Variants in B3GAT2 observed in about 807,000 individuals in gnomAD.
B3GAT2 encodes the protein beta-1,3-glucuronyltransferase 2, also known as galactosylgalactosylxylosylprotein 3-beta-glucuronosyltransferase 2.
B3GAT2 carries 26 observed loss-of-function variants against 27.8 expected under a neutral mutation model. That is an observed-to-expected ratio of 0.93 (90% CI 0.68 to 1.30). The LOEUF (loss-of-function observed/expected upper bound fraction) is 1.30, where lower values mean the gene tolerates loss of function less well. Ranked by LOEUF, B3GAT2 falls within the 50% of genes most tolerant of loss-of-function variation. The probability of loss-of-function intolerance (pLI) is 0.00; values close to 1 mark genes in which losing one functional copy is unlikely to be tolerated. For synonymous variants in B3GAT2, 218 were observed against 195.1 expected, an observed-to-expected ratio of 1.12 and a Z score of -0.98; for missense variants, 458 against 459.0, an observed-to-expected ratio of 1.00 and a Z score of 0.02.
Position 70,944,501 on chromosome 6 carries a change from G to A in B3GAT2, c.591+11338C>T, listed in dbSNP as rs150030135. Among the ~76,000 whole-genome samples the A allele has an allele frequency of 8.6e-4, 131 of 152,272 alleles. 1 individual carries two copies. The highest frequency in any genetic ancestry group is 2.9e-3 in the African/African-American group (119 of 41,542). On this transcript the variant is annotated intron_variant, in intron 1 of 3. Transcript: ENST00000230053. Reference sequence around the variant, plus strand: ...TCAAACTGCAAGGCGACTGCAAGGCGGCAGCGAGGCTGGGGGAGGGGTGCC... The same window carrying A: ...TCAAACTGCAAGGCGACTGCAAGGCAGCAGCGAGGCTGGGGGAGGGGTGCC...
chr6:70,944,361 C>T (rs1765442214), intron 1 of B3GAT2, among the ~76,000 whole-genome samples: 1 of 152,120 alleles, frequency 6.6e-6, no homozygotes, highest in Admixed American at 6.5e-5. Context: ...AAAATCGGGT[C>T]ACTCCCACCC....
intron 2 of B3GAT2, among the ~76,000 whole-genome samples, chr6:70,879,864 G>A (rs1772071853): frequency 6.6e-6 from 1 of 152,176 alleles, no homozygotes; most frequent in Non-Finnish European, 1.5e-5. Flanking sequence ...TGAGTGCACA[G>A]AGAACACAAG....
intron 2 of B3GAT2, among the ~76,000 whole-genome samples, chr6:70,875,066 TAAG>T: frequency 6.6e-6 from 1 of 152,264 alleles, no homozygotes; most frequent in East Asian, 1.9e-4. Flanking sequence ...CCATAGTTCT[TAAG>T]AAGTTGACTT....
intron 2 of B3GAT2, among the ~76,000 whole-genome samples, chr6:70,885,332 T>A (rs1371972871): frequency 3.9e-5 from 6 of 152,174 alleles, no homozygotes. Context: ...CAAATCTCAA[T>A]GTTACAAATG....
At chr6:70,862,068 T>C in intron 2 of B3GAT2, 90 bp from the exon 3 acceptor site, 1 of 1,202,570 alleles carries the variant, frequency 8.3e-7, no homozygotes, top group Non-Finnish European at 1.1e-6. Flanking sequence ...TCAAAACAGT[T>C]TTTAAAATAC....
rs536539004 is a variant in B3GAT2, at chr6:70,919,254, T to G, written c.592-24982A>C. Among the ~76,000 whole-genome samples, 6 of 152,326 alleles carry G rather than the reference T, an allele frequency of 3.9e-5. No homozygotes were observed. In the South Asian group the frequency reaches 6.2e-4, roughly 16 times the overall value. On this transcript the variant is annotated intron_variant, in intron 1 of 3. Transcript: ENST00000230053. ...ATGGTTTTAAGCTCTATCATGTCAT[T>G]TATATTCTTCTCTACACTGGTTATT... is the stretch of plus-strand genomic sequence containing the variant.
In B3GAT2 at chr6:70,878,055, T is replaced by C. The variant is rs575541346; in HGVS notation, c.736+16073A>G. On this transcript the variant is annotated intron_variant, in intron 2 of 3. Coordinates refer to ENST00000230053, the MANE Select transcript of B3GAT2 (RefSeq NM_080742.3). ...AGTTTCTAGTGTAGTGCTTTGAGCC[T>C]ATACAAGCACTTTTTTAAGGTTTTA... 2.0e-5 allele frequency among the ~76,000 whole-genome samples: 3 copies of C among 152,366 alleles called. No individual in the cohort carries two copies. In the South Asian group the frequency reaches 6.2e-4, roughly 32 times the overall value.
chr6:70,861,522 C>CAGAT lies in B3GAT2; in HGVS notation c.*137_*140dup. On this transcript the variant is annotated 3_prime_UTR_variant, in exon 4 of 4. Coordinates refer to ENST00000230053, the MANE Select transcript of B3GAT2 (RefSeq NM_080742.3). ...TGTTAACTGACAAGCTCCATTTAAACAGATGTCCATCAGATGACAAGAAAG... is the reference window on the plus strand; with the variant it reads ...TGTTAACTGACAAGCTCCATTTAAACAGATAGATGTCCATCAGATGACAAGAAAG... The CAGAT allele has an allele frequency of 4.4e-6, 3 of 688,898 alleles. No individual in the cohort carries two copies. Among genetic ancestry groups the CAGAT allele is most frequent in the Non-Finnish European group, 7.5e-6 (3 of 402,606 alleles). 42.7% of individuals were successfully genotyped at this position (688,898 alleles called of 1,614,324 possible).
At chr6:70,953,802 C>T (rs150971282) in intron 1 of B3GAT2, among the ~76,000 whole-genome samples, 3 of 152,312 alleles carry the variant, frequency 2.0e-5, no homozygotes, top group African/African-American at 7.2e-5. Context: ...TCTGACAACA[C>T]TATTTTTTTC....
rs116778900 is a variant in B3GAT2 at position 70,908,331 on chromosome 6, G to C, written c.592-14059C>G. Reference sequence around the variant, plus strand: ...AGGAAAGTGGAAGCTTTCCATCTTGGCCATCTTTGACTAAATAGGCTCTTT... The same window carrying C: ...AGGAAAGTGGAAGCTTTCCATCTTGCCCATCTTTGACTAAATAGGCTCTTT... On this transcript the variant is annotated intron_variant, in intron 1 of 3. Transcript: ENST00000230053. Among the ~76,000 whole-genome samples, 702 of 152,250 alleles carry C rather than the reference G, an allele frequency of 4.6e-3. 5 individuals carry two copies. The highest frequency in any genetic ancestry group is 0.016 in the African/African-American group (663 of 41,558).
At chr6:70,888,657 C>T (rs1330254396) in intron 2 of B3GAT2, among the ~76,000 whole-genome samples, 1 of 152,156 alleles carries the variant, frequency 6.6e-6, no homozygotes, top group Non-Finnish European at 1.5e-5. Flanking sequence ...ACATCAGTCC[C>T]CTACTTGAAA....
chr6:70,861,669 C>T lies in B3GAT2; in HGVS notation c.966G>A (p.Glu322=). 1 of 1,613,318 alleles carries T rather than the reference C, an allele frequency of 6.2e-7. No individual in the cohort carries two copies. Residue 322 remains glutamate (E), a synonymous_variant, in exon 4 of 4, where the codon GAG becomes GAA. Transcript: ENST00000230053. ...PKYHLDTVKI[E]V is the part of the protein sequence containing the mutation. Reference sequence around the variant, plus strand: ...CACCAGTTGCTGCTTCAATTTATACCTCAATTTTCACTGTGTCCAGGTGGT... The same window carrying T: ...CACCAGTTGCTGCTTCAATTTATACTTCAATTTTCACTGTGTCCAGGTGGT...
rs530052448 is a variant in B3GAT2, at chr6:70,935,858, A to C, written c.591+19981T>G. On this transcript the variant is annotated intron_variant, in intron 1 of 3. Transcript: ENST00000230053. ...AACTGCATCAACTAACGAGCAAAAT[A>C]ACCAGCTAACATCATAATGACAGGA... Among the ~76,000 whole-genome samples, 1,389 of 152,126 alleles carry C rather than the reference A, an allele frequency of 9.1e-3. 9 individuals carry two copies. The highest frequency in any genetic ancestry group is 0.048 in the Middle Eastern group (14 of 294).
intron 1 of B3GAT2, among the ~76,000 whole-genome samples, chr6:70,945,404 G>A (rs1028254812): frequency 6.6e-6 from 1 of 152,104 alleles, no homozygotes; most frequent in Non-Finnish European, 1.5e-5. Flanking sequence ...GAAAGCCAAG[G>A]CTCAAGAACT....
intron 1 of B3GAT2, among the ~76,000 whole-genome samples, chr6:70,902,476 A>C (rs1465861048): frequency 6.6e-6 from 1 of 152,130 alleles, no homozygotes. Context: ...CAGCAATTCC[A>C]TTATTGAACA....
Position 70,859,219 on chromosome 6 carries a change from A to G in B3GAT2, c.*2444T>C. On this transcript the variant is annotated 3_prime_UTR_variant, in exon 4 of 4. Coordinates refer to ENST00000230053, the MANE Select transcript of B3GAT2 (RefSeq NM_080742.3). ...GTCTCTACCCGCTGGGAATCTAAAA[A>G]ATTGTATGTGCTAAGTGTCAGTCAC... 1 of 678,662 alleles carries G rather than the reference A, an allele frequency of 1.5e-6. No individual in the cohort carries two copies. The highest frequency in any genetic ancestry group is 2.4e-6 in the Non-Finnish European group (1 of 413,078). 42.0% of individuals were successfully genotyped at this position (678,662 alleles called of 1,614,324 possible). A position where few individuals can be genotyped will look rare whatever the true frequency, so the allele number is the denominator to read the frequency against.
chr6:70,914,283 G>A (rs1049726749), intron 1 of B3GAT2, among the ~76,000 whole-genome samples: 22 of 151,828 alleles, frequency 1.4e-4, no homozygotes, highest in African/African-American at 4.8e-4. Flanking sequence ...CTCTCCCCCA[G>A]TCCCCCACCC....
At chr6:70,952,666 T>C (rs1284394718) in intron 1 of B3GAT2, among the ~76,000 whole-genome samples, 2 of 152,004 alleles carry the variant, frequency 1.3e-5, no homozygotes, top group African/African-American at 2.4e-5. Flanking sequence ...AGAAGAGGAG[T>C]AGCTGTTGAG....
intron 1 of B3GAT2, among the ~76,000 whole-genome samples, chr6:70,918,639 C>T (rs1001352244): frequency 1.1e-4 from 17 of 152,224 alleles, no homozygotes; most frequent in African/African-American, 4.1e-4. Flanking sequence ...GATTTTATTT[C>T]TCCTTCACTT....
Sources: allele counts gnomAD v4.1 joint callset (sites outside exome capture counted in the v4.1 genomes callset), GRCh38; gene constraint gnomAD v4.1.1; transcripts MANE v1.5; gene names NCBI Gene and HGNC (gene_info 2026-07-23, HGNC 2026-07-21).